Variants in LRP1B observed in about 807,000 individuals in gnomAD.
The protein encoded by LRP1B is low-density lipoprotein receptor-related protein 1B.
Under a neutral mutation model 556.6 loss-of-function variants are expected in LRP1B, and 217 were observed. That is an observed-to-expected ratio of 0.39 (90% CI 0.35 to 0.44). The LOEUF (loss-of-function observed/expected upper bound fraction) is 0.44, where lower values mean the gene tolerates loss of function less well. LRP1B is among the 20% of genes least tolerant of loss of function. The pLI is 1.00. For synonymous variants in LRP1B, 2,047 were observed against 1,865.8 expected, an observed-to-expected ratio of 1.10 and a Z score of -2.50; for missense variants, 5,053 against 5,620.8, an observed-to-expected ratio of 0.90 and a Z score of 3.23.
chr2:141,740,523 G>A (rs959429004), intron 2 of LRP1B, among the ~76,000 whole-genome samples: 2 of 152,278 alleles, frequency 1.3e-5, no homozygotes, highest in African/African-American at 4.8e-5. Context: ...GGCATGCAAT[G>A]TGTAATAATC....
chr2:141,976,037 T>A (rs1241676330), intron 1 of LRP1B, among the ~76,000 whole-genome samples: 1 of 152,144 alleles, frequency 6.6e-6, no homozygotes, highest in East Asian at 1.9e-4. Context: ...AGTTATAGCA[T>A]ATTTTATAAA....
chr2:141,047,163 T>C (rs1698899354), intron 11 of LRP1B, among the ~76,000 whole-genome samples: 1 of 152,030 alleles, frequency 6.6e-6, no homozygotes, highest in South Asian at 2.1e-4. Context: ...TCTTTGTCCA[T>C]CTAAAACTGT....
At chr2:141,567,811 G>T (rs893435237) in intron 2 of LRP1B, among the ~76,000 whole-genome samples, 2 of 105,876 alleles carry the variant, frequency 1.9e-5, no homozygotes, top group African/African-American at 2.8e-5. Context: ...ATGTGGAAGG[G>T]CCCCTAGGAA....
In LRP1B at chr2:140,705,550, A is replaced by C. The variant is rs867897960; in HGVS notation, c.6024-2997T>G. Among the ~76,000 whole-genome samples the C allele has an allele frequency of 2.8e-3, 357 of 125,478 alleles. 1 individual carries two copies. The highest frequency in any genetic ancestry group is 8.9e-3 in the African/African-American group (314 of 35,410). 82.3% of individuals were successfully genotyped at this position (125,478 alleles called of 152,430 possible). Reference sequence around the variant, plus strand: ...AAAAAAAAAAAAAAAAAAAAAAAAAAAAAAAAAAAACACAGACACACACAG... The same window carrying C: ...AAAAAAAAAAAAAAAAAAAAAAAAACAAAAAAAAAACACAGACACACACAG... On this transcript the variant is annotated intron_variant, in intron 37 of 90. Transcript: ENST00000389484.
chr2:141,196,179 G>A (rs1353925034), intron 6 of LRP1B, among the ~76,000 whole-genome samples: 1 of 151,920 alleles, frequency 6.6e-6, no homozygotes, highest in Non-Finnish European at 1.5e-5. Flanking sequence ...CAGTAAATGT[G>A]CATGATTTAA....
rs775072922 is a variant in LRP1B at position 140,989,563 on chromosome 2, G to A, written c.2739C>T (p.Ser913=). The change falls in exon 17 of 91, where the codon AGC becomes AGT. Residue 913 remains serine, a synonymous_variant. Transcript: ENST00000389484. ...WLCDGANDCG[S]NEDESNQTCT... is the part of the protein sequence containing the mutation. ...AAGTTTGATTGGATTCATCTTCATT[G>A]CTCCCACAGTCATTAGCTCCATCAC... 6.2e-7 allele frequency: 1 copy of A among 1,613,230 alleles called. No individual in the cohort carries two copies. Among genetic ancestry groups the A allele is most frequent in the Non-Finnish European group, 8.5e-7 (1 of 1,179,434 alleles).
At chr2:141,230,630 T>C (rs943934542) in intron 5 of LRP1B, among the ~76,000 whole-genome samples, 7 of 152,224 alleles carry the variant, frequency 4.6e-5, no homozygotes, top group African/African-American at 1.4e-4. Context: ...TCCTTACTAC[T>C]CTTACTCTTG....
intron 7 of LRP1B, among the ~76,000 whole-genome samples, chr2:141,126,233 C>A (rs1310838093): frequency 1.3e-5 from 2 of 152,058 alleles, no homozygotes; most frequent in Non-Finnish European, 2.9e-5. Context: ...GGGGTTTTGC[C>A]ATATTGGCCA....
chr2:141,263,928 A>G (rs1389710033), intron 3 of LRP1B, among the ~76,000 whole-genome samples: 1 of 152,150 alleles, frequency 6.6e-6, no homozygotes, highest in East Asian at 1.9e-4. Context: ...AAAAAACAAT[A>G]CCCATTCATT....
rs551384815 is a variant in LRP1B at position 140,926,019 on chromosome 2, A to C, written c.3137-2872T>G. 2.7e-5 allele frequency among the ~76,000 whole-genome samples: 4 copies of C among 149,468 alleles called. No individual in the cohort carries two copies. The East Asian group carries it at 7.9e-4, about 29-fold the overall frequency. ...ATTCTAAATAAATATTTACCTTATA[A>C]ATTTAAATACAAATGTTATATTTAC... On this transcript the variant is annotated intron_variant, in intron 20 of 90. Transcript: ENST00000389484.
intron 1 of LRP1B, among the ~76,000 whole-genome samples, chr2:142,014,185 T>C (rs930961351): frequency 1.6e-4 from 24 of 151,858 alleles, no homozygotes; most frequent in African/African-American, 5.6e-4. Context: ...GCTTTCTTAA[T>C]AAACTTGTTT....
At chr2:141,460,510 GA>G (rs1681824527) in intron 3 of LRP1B, among the ~76,000 whole-genome samples, 1 of 152,124 alleles carries the variant, frequency 6.6e-6, no homozygotes, top group Non-Finnish European at 1.5e-5. Context: ...GTTTCATTTT[GA>G]ATGTAATGTG....
intron 1 of LRP1B, among the ~76,000 whole-genome samples, chr2:141,821,239 T>C (rs927972975): frequency 7.9e-5 from 12 of 152,224 alleles, no homozygotes; most frequent in Admixed American, 7.2e-4. Context: ...CCTCAATTTG[T>C]GGTAATTTGT....
Position 140,356,390 on chromosome 2 carries a change from G to C in LRP1B, c.11482C>G (p.Arg3828Gly), listed in dbSNP as rs146966427. 6.2e-7 allele frequency: 1 copy of C among 1,610,718 alleles called. No individual in the cohort carries two copies. Among genetic ancestry groups the C allele is most frequent in the South Asian group, 1.1e-5 (1 of 90,972 alleles). ...TTTCTCTGAAATCCAGGCTTACAGC[G>C]ACAGAAAACAGATGTTTTTATTTGA... ...CNQIKTSVFC[R>G]CKPGFQRNMK... is the part of the protein sequence containing the mutation. Residue 3828 changes from arginine (R) to glycine (G), a missense_variant, in exon 75 of 91, where the codon CGC becomes GGC. By Grantham distance (125) the Arg-to-Gly change is moderately radical. Coordinates refer to ENST00000389484, the MANE Select transcript of LRP1B (RefSeq NM_018557.3).
intron 86 of LRP1B, among the ~76,000 whole-genome samples, chr2:140,263,202 A>G (rs1173736945): frequency 6.6e-6 from 1 of 152,114 alleles, no homozygotes; most frequent in African/African-American, 2.4e-5. Flanking sequence ...TACAGGCATG[A>G]GCCACCACGC....
At chr2:141,336,755 T>G (rs551304810) in intron 3 of LRP1B, among the ~76,000 whole-genome samples, 1 of 152,320 alleles carries the variant, frequency 6.6e-6, no homozygotes, top group Non-Finnish European at 1.5e-5. Context: ...CTGATTTGAT[T>G]TCTTGCTCAC....
chr2:141,268,578 C>G (rs1325309266), intron 3 of LRP1B, among the ~76,000 whole-genome samples: 1 of 151,954 alleles, frequency 6.6e-6, no homozygotes, highest in Admixed American at 6.6e-5. Context: ...GAAATCAATA[C>G]AAAACCAAAA....
At chr2:141,990,354 T>G (rs1435608) in intron 1 of LRP1B, among the ~76,000 whole-genome samples, 1 of 152,024 alleles carries the variant, frequency 6.6e-6, no homozygotes, top group Non-Finnish European at 1.5e-5. Context: ...TATTAATCAT[T>G]TATGATATGA....
chr2:140,601,417 A>G, intron 42 of LRP1B, 33 bp downstream of exon 42: 1 of 1,482,376 alleles, frequency 6.7e-7, no homozygotes, highest in South Asian at 1.4e-5. Context: ...ACTTATAACT[A>G]TAATGAAGAA....
Sources: allele counts gnomAD v4.1 joint callset (sites outside exome capture counted in the v4.1 genomes callset), GRCh38; gene constraint gnomAD v4.1.1; transcripts MANE v1.5; gene names NCBI Gene and HGNC (gene_info 2026-07-23, HGNC 2026-07-21).